Variants in RGPD2 observed in about 807,000 individuals in gnomAD.
RGPD2 encodes the protein RANBP2 like and GRIP domain containing 2, also known as RANBP2-like and GRIP domain-containing protein 2.
RGPD2 carries 2 observed loss-of-function variants against 36.0 expected under a neutral mutation model. The observed-to-expected ratio is 0.06, with a 90% CI of 0.02 to 0.17. The LOEUF (loss-of-function observed/expected upper bound fraction) is 0.17. Among genes scored for constraint, RGPD2 ranks in the 10% least tolerant of loss-of-function variants. The pLI, the probability that RGPD2 is intolerant of heterozygous loss-of-function variation, is 1.00. For missense variants in RGPD2, 40 were observed against 464.3 expected (o/e 0.09, Z 8.40); for synonymous variants, 19 against 163.8 (o/e 0.12, Z 6.75).
chr2:87,983,256 G>A, the RGPD2 span, among the ~76,000 whole-genome samples: 4 of 152,218 alleles, frequency 2.6e-5, no homozygotes, highest in African/African-American at 4.8e-5. Context: ...GGAGGCAGAG[G>A]TTGTAGTGAG....
the RGPD2 span, among the ~76,000 whole-genome samples, chr2:87,973,913 C>T: frequency 6.6e-6 from 1 of 151,304 alleles, no homozygotes; most frequent in Admixed American, 6.6e-5. Context: ...AAGTGCTAAA[C>T]AAATGCTAGC....
chr2:87,919,596 C>G, the RGPD2 span, among the ~76,000 whole-genome samples: 1 of 149,260 alleles, frequency 6.7e-6, no homozygotes, highest in African/African-American at 2.5e-5. Context: ...ACTATAAAAA[C>G]TAAGAAAACA....
At chr2:87,827,504 T>G (rs1277470595), upstream of RGPD2, among the ~76,000 whole-genome samples, 10 of 138,760 alleles carry the variant, frequency 7.2e-5, no homozygotes, top group Admixed American at 2.2e-4. Context: ...GTAGGGTTAC[T>G]GAGAAATTAA....
the RGPD2 span, among the ~76,000 whole-genome samples, chr2:87,973,726 G>C: frequency 2.7e-5 from 4 of 149,516 alleles, no homozygotes; most frequent in African/African-American, 9.8e-5. Flanking sequence ...GTGGGCTCTG[G>C]AGTCAGGTTA....
intron 22 of RGPD2, among the ~76,000 whole-genome samples, chr2:87,769,417 G>A (rs1685053543): frequency 6.6e-6 from 1 of 151,462 alleles, no homozygotes. Flanking sequence ...TAATTTAAAT[G>A]TGTTTTCCTG....
the RGPD2 span, among the ~76,000 whole-genome samples, chr2:87,916,824 T>A: frequency 6.6e-6 from 1 of 150,994 alleles, no homozygotes; most frequent in Admixed American, 6.6e-5. Context: ...GTCTCAAGAA[T>A]GTCTTTATAG....
At chr2:87,912,908 A>G in the RGPD2 span, among the ~76,000 whole-genome samples, 1 of 145,868 alleles carries the variant, frequency 6.9e-6, no homozygotes. Context: ...TTCAGAATTT[A>G]TATCAAATTA....
the RGPD2 span, among the ~76,000 whole-genome samples, chr2:87,974,561 C>T: frequency 3.9e-5 from 6 of 152,280 alleles, no homozygotes; most frequent in East Asian, 1.2e-3. Context: ...ACACACATAC[C>T]TTGAGTGGTA....
the RGPD2 span, among the ~76,000 whole-genome samples, chr2:87,986,747 G>A: frequency 1.3e-5 from 2 of 151,194 alleles, no homozygotes; most frequent in African/African-American, 2.4e-5. Context: ...GGGCATTGTG[G>A]CAGGCACCTG....
At chr2:87,846,468 C>G in the RGPD2 span, among the ~76,000 whole-genome samples, 30 of 151,966 alleles carry the variant, frequency 2.0e-4, no homozygotes, top group African/African-American at 5.5e-4. Flanking sequence ...GATGTGAACC[C>G]CAAATACATT....
the RGPD2 span, among the ~76,000 whole-genome samples, chr2:87,937,494 C>A: frequency 1.3e-5 from 2 of 151,786 alleles, no homozygotes; most frequent in African/African-American, 2.4e-5. Flanking sequence ...AAACTTATAA[C>A]CGTGAAGAAA....
the RGPD2 span, among the ~76,000 whole-genome samples, chr2:87,922,934 T>C: frequency 6.6e-6 from 1 of 152,034 alleles, no homozygotes; most frequent in Non-Finnish European, 1.5e-5. Flanking sequence ...TTTCTTTTTA[T>C]CTTTTTTTCT....
the RGPD2 span, among the ~76,000 whole-genome samples, chr2:87,872,311 A>T: frequency 6.6e-6 from 1 of 152,274 alleles, no homozygotes; most frequent in African/African-American, 2.4e-5. Flanking sequence ...GTTAGGAAGC[A>T]GGAAAATATA....
At chr2:87,916,875 G>A in the RGPD2 span, among the ~76,000 whole-genome samples, 1 of 151,780 alleles carries the variant, frequency 6.6e-6, no homozygotes, top group African/African-American at 2.4e-5. Context: ...GTACCCAACG[G>A]ATGAACGAGT....
chr2:87,937,583 A>C, the RGPD2 span, among the ~76,000 whole-genome samples: 6 of 151,756 alleles, frequency 4.0e-5, no homozygotes, highest in Non-Finnish European at 8.8e-5. Flanking sequence ...TCTTTTTAAC[A>C]AGTATATCTC....
At chr2:87,869,545 TA>T in the RGPD2 span, among the ~76,000 whole-genome samples, 111 of 133,158 alleles carry the variant, frequency 8.3e-4, no homozygotes, top group African/African-American at 2.8e-3. Context: ...AATATAAACT[TA>T]ATAGAGAAAA....
intron 1 of RGPD2, among the ~76,000 whole-genome samples, chr2:87,818,951 AGC>A (rs1412278322): frequency 4.3e-5 from 1 of 23,302 alleles, no homozygotes; most frequent in Admixed American, 5.5e-4. Context: ...TAGAAAAATT[AGC>A]CAGGCATGAT....
chr2:87,936,923 T>C, the RGPD2 span, among the ~76,000 whole-genome samples: 1 of 144,356 alleles, frequency 6.9e-6, no homozygotes, highest in Admixed American at 7.0e-5. Flanking sequence ...ATTTGCTTTA[T>C]GAGAGCAGCT....
At chr2:87,922,217 C>A in the RGPD2 span, among the ~76,000 whole-genome samples, 2 of 140,238 alleles carry the variant, frequency 1.4e-5, no homozygotes, top group African/African-American at 2.7e-5. Flanking sequence ...TGCTTGAACC[C>A]GGGAGGCGGA....
Sources: allele counts gnomAD v4.1 joint callset (sites outside exome capture counted in the v4.1 genomes callset), GRCh38; gene constraint gnomAD v4.1.1; transcripts MANE v1.5; gene names NCBI Gene and HGNC (gene_info 2026-07-23, HGNC 2026-07-21).